Variants in MAPKAP1 observed in about 807,000 individuals in gnomAD.
MAPKAP1 encodes the protein MAPK associated protein 1, also known as target of rapamycin complex 2 subunit MAPKAP1.
Under a neutral mutation model 65.7 loss-of-function variants are expected in MAPKAP1, and 20 were observed. The observed-to-expected ratio is 0.30, with a 90% CI of 0.21 to 0.44. The LOEUF (loss-of-function observed/expected upper bound fraction) is 0.44. Ranked by LOEUF, MAPKAP1 falls within the 20% of genes least tolerant of loss-of-function variation. The pLI, the probability that MAPKAP1 is intolerant of heterozygous loss-of-function variation, is 1.00. For synonymous variants in MAPKAP1, 222 were observed against 244.3 expected, an observed-to-expected ratio of 0.91 and a Z score of 0.85; for missense variants, 423 against 648.0, an observed-to-expected ratio of 0.65 and a Z score of 3.77.
intron 4 of MAPKAP1, among the ~76,000 whole-genome samples, chr9:125,619,856 T>TAATA (rs1423230508): frequency 6.6e-6 from 1 of 151,900 alleles, no homozygotes; most frequent in Non-Finnish European, 1.5e-5. Flanking sequence ...TCAAGATACA[T>TAATA]AATAAACTAG....
At chr9:125,699,612 G>T (rs1183990659) in intron 1 of MAPKAP1, among the ~76,000 whole-genome samples, 1 of 151,276 alleles carries the variant, frequency 6.6e-6, no homozygotes, top group Non-Finnish European at 1.5e-5. Flanking sequence ...GAAAAGTTTT[G>T]AATTTTGAAG....
intron 1 of MAPKAP1, 135 bp from the exon 2 acceptor site, chr9:125,672,778 G>T: frequency 1.6e-6 from 1 of 628,448 alleles, no homozygotes; most frequent in Non-Finnish European, 2.8e-6. Context: ...AGCTTAAAAG[G>T]ATTTAGTCTA....
chr9:125,612,417 A>G (rs567786727), intron 4 of MAPKAP1, among the ~76,000 whole-genome samples: 5 of 152,224 alleles, frequency 3.3e-5, no homozygotes, highest in East Asian at 1.9e-4. Context: ...TTTTTTTTAA[A>G]TTTAAAATTT....
At chr9:125,523,006 C>T (rs538341100) in intron 7 of MAPKAP1, among the ~76,000 whole-genome samples, 66 of 152,272 alleles carry the variant, frequency 4.3e-4, no homozygotes, top group Admixed American at 8.5e-4. Flanking sequence ...TGATATCAGG[C>T]CCAACCAGAG....
intron 7 of MAPKAP1, among the ~76,000 whole-genome samples, chr9:125,537,671 C>T (rs1371819456): frequency 2.0e-5 from 3 of 152,180 alleles, no homozygotes; most frequent in African/African-American, 7.2e-5. Context: ...TTTGTGGAGA[C>T]AGGGTTTCAC....
chr9:125,527,286 T>C (rs1829800491), intron 7 of MAPKAP1, among the ~76,000 whole-genome samples: 1 of 152,166 alleles, frequency 6.6e-6, no homozygotes. Flanking sequence ...CAGGCTGGTC[T>C]TGAACTCCTG....
intron 7 of MAPKAP1, among the ~76,000 whole-genome samples, chr9:125,511,311 C>A (rs1010901583): frequency 6.6e-6 from 1 of 152,158 alleles, no homozygotes; most frequent in Non-Finnish European, 1.5e-5. Flanking sequence ...ATGTACAGAT[C>A]ATCTCATTCA....
At chr9:125,592,159 T>C (rs562681524) in intron 4 of MAPKAP1, among the ~76,000 whole-genome samples, 55 of 152,320 alleles carry the variant, frequency 3.6e-4, no homozygotes, top group African/African-American at 1.2e-3. Context: ...ACTGTTTTGC[T>C]GAAGGTCTCA....
intron 10 of MAPKAP1, among the ~76,000 whole-genome samples, chr9:125,465,793 C>T (rs924392579): frequency 6.6e-6 from 1 of 152,162 alleles, no homozygotes; most frequent in Non-Finnish European, 1.5e-5. Flanking sequence ...CATGTGCAAA[C>T]TCCTGGGGGG....
chr9:125,606,995 T>C (rs1832456696), intron 4 of MAPKAP1, among the ~76,000 whole-genome samples: 1 of 152,170 alleles, frequency 6.6e-6, no homozygotes, highest in African/African-American at 2.4e-5. Flanking sequence ...TTGTGTAACC[T>C]CAGGCAAGTC....
intron 1 of MAPKAP1, among the ~76,000 whole-genome samples, chr9:125,699,204 TACTA>T (rs1204595879): frequency 6.6e-6 from 1 of 152,152 alleles, no homozygotes; most frequent in East Asian, 1.9e-4. Context: ...GGTAATTTTA[TACTA>T]ACTTTTTTTT....
At position 125,698,300 on chromosome 9, in the gene MAPKAP1, T is replaced by A. The variant is rs924096601; in HGVS notation, c.-70+8671A>T. 9.0e-3 allele frequency among the ~76,000 whole-genome samples: 145 copies of A among 16,144 alleles called. 2 individuals are homozygous for A. The East Asian group carries it at 0.12, about 13-fold the overall frequency. 10.6% of individuals were successfully genotyped at this position (16,144 alleles called of 152,430 possible). On this transcript the variant is annotated intron_variant, in intron 1 of 11. Coordinates refer to ENST00000265960, the MANE Select transcript of MAPKAP1 (RefSeq NM_001006617.3). ...CATAATATATATAAATATATATATA[T>A]ATATATATATATATATATATATATA...
chr9:125,466,204 A>G (rs13291593), intron 10 of MAPKAP1, among the ~76,000 whole-genome samples: 49,604 of 152,034 alleles, frequency 0.33, 9,305 homozygotes, highest in Middle Eastern at 0.44. Context: ...ACATAGCAAG[A>G]CTTTGTGTCT....
Position 125,698,288 on chromosome 9 carries a change from A to AT in MAPKAP1, c.-70+8682_-70+8683insA, listed in dbSNP as rs1554845629. ...ATATATATAATACATAATATATATA[A>AT]ATATATATATATATATATATATATA... On this transcript the variant is annotated intron_variant, in intron 1 of 11. Coordinates refer to ENST00000265960, the MANE Select transcript of MAPKAP1 (RefSeq NM_001006617.3). 2.2e-3 allele frequency among the ~76,000 whole-genome samples: 106 copies of AT among 49,042 alleles called. 5 individuals are homozygous for AT. Among genetic ancestry groups the AT allele is most frequent in the African/African-American group, 0.011 (100 of 9,010 alleles). The allele number at this position is 49,042 out of a possible 152,430, so 32.2% of individuals were successfully genotyped here.
intron 4 of MAPKAP1, among the ~76,000 whole-genome samples, chr9:125,586,815 A>T (rs1831801759): frequency 6.6e-6 from 1 of 152,142 alleles, no homozygotes; most frequent in Admixed American, 6.5e-5. Context: ...TTCAAATCGG[A>T]ATGCTTGATT....
At chr9:125,505,877 G>C (rs1397105557) in intron 8 of MAPKAP1, 1 of 184,582 alleles carries the variant, frequency 5.4e-6, no homozygotes, top group Non-Finnish European at 1.1e-5. Context: ...AAGTTTTGAA[G>C]TTCTCAACAT....
rs868051106 is a variant in MAPKAP1 at position 125,703,560 on chromosome 9, T to G, written c.-70+3411A>C. ...CCCGAGGCAGGCAGATCACTTGAGG[T>G]CAGGAGTTTGAGACCAGCCTGGCCA... is the stretch of plus-strand genomic sequence containing the variant. On this transcript the variant is annotated intron_variant, in intron 1 of 11. Transcript: ENST00000265960. 2.6e-5 allele frequency among the ~76,000 whole-genome samples: 4 copies of G among 152,004 alleles called. No homozygotes were observed. The South Asian group carries it at 8.3e-4, about 31-fold the overall frequency.
Position 125,543,055 on chromosome 9 carries a change from C to T in MAPKAP1, c.958+4G>A. On this transcript the variant is annotated splice_donor_region_variant and intron_variant, in intron 7 of 11. Coordinates refer to ENST00000265960, the MANE Select transcript of MAPKAP1 (RefSeq NM_001006617.3). ...ACTGTGAGAATATGATTTAACTATCCCACCTGAAACTTTCTGGGATCCTTT... is the reference window on the plus strand; with the variant it reads ...ACTGTGAGAATATGATTTAACTATCTCACCTGAAACTTTCTGGGATCCTTT... 1 of 1,586,986 alleles carries T rather than the reference C, an allele frequency of 6.3e-7. No homozygotes were observed. Among genetic ancestry groups the T allele is most frequent in the Non-Finnish European group, 8.7e-7 (1 of 1,155,334 alleles).
At chr9:125,602,696 T>G (rs1832333627) in intron 4 of MAPKAP1, among the ~76,000 whole-genome samples, 1 of 152,222 alleles carries the variant, frequency 6.6e-6, no homozygotes, top group South Asian at 2.1e-4. Context: ...TGTCATTTAT[T>G]GGGCACCTAT....
Sources: gnomAD v4.1 joint callset for allele counts (sites outside exome capture counted in the v4.1 genomes callset) on GRCh38, gnomAD v4.1.1 for gene constraint, MANE v1.5 for transcripts, NCBI Gene and HGNC (gene_info 2026-07-23, HGNC 2026-07-21) for gene names.